The following VPS11 variants were observed in gnomAD, a reference collection of about 807,000 sequenced individuals.
The protein encoded by VPS11 is vacuolar protein sorting-associated protein 11 homolog.
In VPS11, 51 loss-of-function variants were observed where a neutral mutation model predicts 106.8. That is an observed-to-expected ratio of 0.48 (90% CI 0.38 to 0.60). VPS11 has a LOEUF of 0.60. Among genes scored for constraint, VPS11 ranks in the 20% least tolerant of loss-of-function variants. VPS11 has a pLI of 0.00. For synonymous variants in VPS11, 453 were observed against 458.7 expected (o/e 0.99, Z 0.16); for missense variants, 950 against 1,190.0 (o/e 0.80, Z 2.97).
Position 119,078,614 on chromosome 11 carries a change from G to A in VPS11, c.1973G>A (p.Arg658His), listed in dbSNP as rs782700645. 30 of 1,613,722 alleles carry A rather than the reference G, an allele frequency of 1.9e-5. No individual in the cohort carries two copies. Among genetic ancestry groups the A allele is most frequent in the Admixed American group, 8.3e-5 (5 of 60,002 alleles). ...GCCATTTCCCTGCTGAAGAGTGGTCGCTTCTGCGACGTCTTTGACAAGGCC... is the reference window on the plus strand; with the variant it reads ...GCCATTTCCCTGCTGAAGAGTGGTCACTTCTGCGACGTCTTTGACAAGGCC... ...AEAISLLKSG[R>H]FCDVFDKALV... is the part of the protein sequence containing the mutation. The change falls in exon 12 of 16, where the codon CGC (arginine) becomes CAC (histidine). Residue 658 changes from arginine to histidine, a missense_variant. Transcript: ENST00000621676.
chr11:119,068,193 G>C (rs1036061210), intron 1 of VPS11, 183 bp downstream of exon 1: 58 of 601,236 alleles, frequency 9.6e-5, no homozygotes, highest in Admixed American at 5.7e-4. Flanking sequence ...TATCAACTGA[G>C]CAATCCTGGG....
rs1024191510 is a variant in VPS11 at position 119,078,994 on chromosome 11, C to T, written c.2263C>T (p.Leu755=). 1 of 1,614,044 alleles carries T rather than the reference C, an allele frequency of 6.2e-7. No homozygotes were observed. The highest frequency in any genetic ancestry group is 1.7e-5 in the Admixed American group (1 of 60,030). Residue 755 remains leucine, a synonymous_variant, in exon 13 of 16, where the codon CTA becomes TTA. Transcript: ENST00000621676. The part of the protein sequence containing the change: ...IENKNLMPPL[L]VVQTLAHNST... Reference sequence around the variant, plus strand: ...GAACAAGAACCTCATGCCACCTCTTCTAGGTACTTGGGAAGACAGATGGGT... The same window carrying T: ...GAACAAGAACCTCATGCCACCTCTTTTAGGTACTTGGGAAGACAGATGGGT...
intron 5 of VPS11, 46 bp downstream of exon 5, chr11:119,071,889 C>T: frequency 6.3e-7 from 1 of 1,584,078 alleles, no homozygotes; most frequent in South Asian, 1.1e-5. Flanking sequence ...GGACTTGTTC[C>T]CCAGAATCCG....
intron 7 of VPS11, among the ~76,000 whole-genome samples, chr11:119,074,597 G>A (rs1205244409): frequency 6.6e-6 from 1 of 152,086 alleles, no homozygotes; most frequent in Admixed American, 6.6e-5. Flanking sequence ...TAGAGACGGG[G>A]TTTCACCACG....
intron 14 of VPS11, among the ~76,000 whole-genome samples, chr11:119,080,686 T>C (rs556383745): frequency 6.6e-6 from 1 of 152,222 alleles, no homozygotes; most frequent in African/African-American, 2.4e-5. Flanking sequence ...CAAAGTTTTG[T>C]AGTATGTTAG....
Position 119,073,950 on chromosome 11 carries a change from C to T in VPS11, c.1237C>T (p.Arg413Ter), listed in dbSNP as rs1452632068. 9.9e-6 allele frequency: 16 copies of T among 1,611,010 alleles called. No individual in the cohort carries two copies. The highest frequency in any genetic ancestry group is 1.3e-5 in the Non-Finnish European group (15 of 1,178,360). The change falls in exon 7 of 16, where the codon CGA becomes TGA. Residue 413 changes from arginine (R) to a stop codon, truncating the protein, a stop_gained and splice_region_variant. Coordinates refer to ENST00000621676, the MANE Select transcript of VPS11 (RefSeq NM_021729.6). LOFTEE classifies it high-confidence loss of function. ...NHDGAVQQYI[R>*]TIGKLEPSYV... The stretch of plus-strand genomic sequence containing the variant: ...CGATGGGGCTGTCCAGCAATATATC[C>T]GGTCAGTCTGGAGGCACTTTGGGAT...
In VPS11 at chr11:119,073,364, G is replaced by T; in HGVS notation, c.1051G>T (p.Ala351Ser). 6.2e-7 allele frequency: 1 copy of T among 1,613,520 alleles called. No individual in the cohort carries two copies. Among genetic ancestry groups the T allele is most frequent in the South Asian group, 1.1e-5 (1 of 91,054 alleles). The change falls in exon 6 of 16, where the codon GCA (alanine) becomes TCA (serine). Residue 351 changes from alanine to serine, a missense_variant. Transcript: ENST00000621676. Reference sequence around the variant, plus strand: ...GCTGACGCGGGATGGGCGGGTCCACGCACTGCAGGAGAAGGACACACAGAC... The same window carrying T: ...GCTGACGCGGGATGGGCGGGTCCACTCACTGCAGGAGAAGGACACACAGAC... ...YVLTRDGRVH[A>S]LQEKDTQTKL... is the part of the protein sequence containing the mutation.
chr11:119,076,861 T>C (rs1427707047), intron 7 of VPS11, 36 bp from the exon 8 acceptor site: 1 of 1,609,144 alleles, frequency 6.2e-7, no homozygotes, highest in Admixed American at 1.7e-5. Flanking sequence ...AGAAGTACAC[T>C]GATTCAGATG....
Position 119,078,915 on chromosome 11 carries a change from T to A in VPS11, c.2184T>A (p.Ala728=). The part of the protein sequence containing the change: ...SLWEQALSYF[A]RKEEDCKEYV... Reference sequence around the variant, plus strand: ...GGGAGCAGGCCCTCAGCTACTTCGCTCGCAAGGAGGAGGACTGCAAGGAGT... The same window carrying A: ...GGGAGCAGGCCCTCAGCTACTTCGCACGCAAGGAGGAGGACTGCAAGGAGT... The change falls in exon 13 of 16, where the codon GCT becomes GCA. Residue 728 remains alanine, a synonymous_variant. Transcript: ENST00000621676. 6.2e-7 allele frequency: 1 copy of A among 1,613,962 alleles called. No homozygotes were observed.
chr11:119,073,384 A>G lies in VPS11; in HGVS notation c.1071A>G (p.Thr357=). ...GRVHALQEKD[T]QTKLEMLFKK... ...TCCACGCACTGCAGGAGAAGGACAC[A>G]CAGACCAAACTGGAGGCAAGGCCAC... The change falls in exon 6 of 16, where the codon ACA becomes ACG. Residue 357 remains threonine (T), a synonymous_variant. Coordinates refer to ENST00000621676, the MANE Select transcript of VPS11 (RefSeq NM_021729.6). The G allele has an allele frequency of 1.2e-6, 2 of 1,613,036 alleles. No homozygotes were observed. Among genetic ancestry groups the G allele is most frequent in the Non-Finnish European group, 1.7e-6 (2 of 1,179,866 alleles).
At chr11:119,068,184 A>G in intron 1 of VPS11, 174 bp downstream of exon 1, 4 of 709,850 alleles carry the variant, frequency 5.6e-6, no homozygotes, top group Non-Finnish European at 8.8e-6. Flanking sequence ...CTAACTTGTT[A>G]TCAACTGAGC....
At chr11:119,080,860 G>A (rs535776667) in intron 14 of VPS11, among the ~76,000 whole-genome samples, 7 of 152,304 alleles carry the variant, frequency 4.6e-5, no homozygotes, top group African/African-American at 1.7e-4. Context: ...GGAGACAGAG[G>A]AAACAATCCC....
chr11:119,080,413 C>A (rs1175980011), intron 14 of VPS11, among the ~76,000 whole-genome samples: 1 of 147,996 alleles, frequency 6.8e-6, no homozygotes, highest in Non-Finnish European at 1.5e-5. Flanking sequence ...TTGTCCCCCA[C>A]GCTGGAGTGT....
chr11:119,071,925 G>A (rs1945408837), intron 5 of VPS11, 82 bp downstream of exon 5: 1 of 1,537,152 alleles, frequency 6.5e-7, no homozygotes, highest in African/African-American at 1.4e-5. Flanking sequence ...CTAATGCCTG[G>A]ATACTGCCAA....
chr11:119,076,526 C>G (rs1348253850), intron 7 of VPS11, among the ~76,000 whole-genome samples: 1 of 123,264 alleles, frequency 8.1e-6, no homozygotes, highest in Admixed American at 8.3e-5. Flanking sequence ...ACCTCCCTCT[C>G]AAAAAAAAAA....
chr11:119,073,465 C>T (rs544693119), intron 6 of VPS11, 66 bp downstream of exon 6: 12 of 1,560,698 alleles, frequency 7.7e-6, no homozygotes, highest in Admixed American at 3.7e-5. Context: ...GCAGGTTCCC[C>T]AAGTCATATT....
rs1555201659 is a variant in VPS11, at chr11:119,068,994, GCACCCCCC to G, written c.188-200_188-193del. On this transcript the variant is annotated intron_variant, in intron 1 of 15. Coordinates refer to ENST00000621676, the MANE Select transcript of VPS11 (RefSeq NM_021729.6). Reference sequence around the variant, plus strand: ...TCGAACCCCTGACCTCAGGTGATCCGCACCCCCCCCCCCCCCCGGCCTCCCAAAGTGCT... The same window carrying G: ...TCGAACCCCTGACCTCAGGTGATCCGCCCCCCCCCGGCCTCCCAAAGTGCT... 1.1e-3 allele frequency among the ~76,000 whole-genome samples: 13 copies of G among 12,224 alleles called. 2 individuals carry two copies. Among genetic ancestry groups the G allele is most frequent in the African/African-American group, 5.6e-3 (13 of 2,304 alleles). The allele number at this position is 12,224 out of a possible 152,430, so 8.0% of individuals were successfully genotyped here.
In VPS11 at chr11:119,071,778, G is replaced by A. The variant is rs544985451; in HGVS notation, c.819G>A (p.Lys273=). The change falls in exon 5 of 16, where the codon AAG becomes AAA. Residue 273 remains lysine (K), a synonymous_variant. Coordinates refer to ENST00000621676, the MANE Select transcript of VPS11 (RefSeq NM_021729.6). ...RGPCFAFEGH[K]LIAHWFRGYL... ...CCTGCTTCGCCTTTGAGGGCCATAA[G>A]CTCATTGCCCACTGGTTTAGAGGCT... 7 of 1,613,972 alleles carry A rather than the reference G, an allele frequency of 4.3e-6. No individual in the cohort carries two copies. The highest frequency in any genetic ancestry group is 5.9e-6 in the Non-Finnish European group (7 of 1,179,892).
At chr11:119,074,915 A>C (rs1285964418) in intron 7 of VPS11, among the ~76,000 whole-genome samples, 5 of 152,126 alleles carry the variant, frequency 3.3e-5, no homozygotes, top group African/African-American at 1.2e-4. Flanking sequence ...TGCTTCCATA[A>C]TTCCTTCCAT....
Sources: allele counts gnomAD v4.1 joint callset (sites outside exome capture counted in the v4.1 genomes callset), GRCh38; gene constraint gnomAD v4.1.1; transcripts MANE v1.5; gene names NCBI Gene and HGNC (gene_info 2026-07-23, HGNC 2026-07-21).